Variants in CHL1 observed in about 807,000 individuals in gnomAD.
CHL1 encodes neural cell adhesion molecule L1-like protein.
Under a neutral mutation model 141.9 loss-of-function variants are expected in CHL1, and 96 were observed. That is an observed-to-expected ratio of 0.68 (90% CI 0.57 to 0.80). The LOEUF (loss-of-function observed/expected upper bound fraction) is 0.80. Ranked by LOEUF, CHL1 falls within the 30% of genes least tolerant of loss-of-function variation. The pLI, the probability that CHL1 is intolerant of heterozygous loss-of-function variation, is 0.00. For synonymous variants in CHL1, 613 were observed against 502.2 expected, an observed-to-expected ratio of 1.22 and a Z score of -2.95; for missense variants, 1,820 against 1,457.2, an observed-to-expected ratio of 1.25 and a Z score of -4.05.
chr3:347,029 A>C (rs1207929682), intron 9 of CHL1, among the ~76,000 whole-genome samples: 4 of 152,134 alleles, frequency 2.6e-5, no homozygotes, highest in Non-Finnish European at 5.9e-5. Context: ...ATTTCCAGCT[A>C]TATTCTTGCA....
At chr3:254,630 G>A (rs757648801) in intron 2 of CHL1, among the ~76,000 whole-genome samples, 1 of 152,158 alleles carries the variant, frequency 6.6e-6, no homozygotes, top group South Asian at 2.1e-4. Flanking sequence ...ATACCTTGTG[G>A]ATAGTAGAAA....
At chr3:347,240 G>C (rs1306907201) in intron 9 of CHL1, among the ~76,000 whole-genome samples, 1 of 151,896 alleles carries the variant, frequency 6.6e-6, no homozygotes, top group African/African-American at 2.4e-5. Flanking sequence ...TATAAATAGA[G>C]AAATATGCAA....
At chr3:347,964 C>T (rs1300064924) in intron 9 of CHL1, among the ~76,000 whole-genome samples, 4 of 152,146 alleles carry the variant, frequency 2.6e-5, no homozygotes, top group Non-Finnish European at 4.4e-5. Context: ...ATCTTTACCT[C>T]CAATTTTTTT....
At chr3:211,109 G>A (rs560236892) in intron 1 of CHL1, among the ~76,000 whole-genome samples, 19 of 152,258 alleles carry the variant, frequency 1.2e-4, no homozygotes, top group Non-Finnish European at 2.2e-4. Flanking sequence ...GGGCCACGGT[G>A]AACCCCAAAT....
intron 3 of CHL1, among the ~76,000 whole-genome samples, chr3:323,141 G>T (rs1354398626): frequency 6.6e-6 from 1 of 151,896 alleles, no homozygotes; most frequent in Non-Finnish European, 1.5e-5. Flanking sequence ...AATTATGGTT[G>T]TTCAGATAGA....
At chr3:331,622 C>A (rs1379037320) in intron 5 of CHL1, among the ~76,000 whole-genome samples, 1 of 151,912 alleles carries the variant, frequency 6.6e-6, no homozygotes. Context: ...ATTTTAGATC[C>A]TTTTTTTATT....
At chr3:215,268 G>A (rs1350879410) in intron 1 of CHL1, among the ~76,000 whole-genome samples, 1 of 152,130 alleles carries the variant, frequency 6.6e-6, no homozygotes, top group African/African-American at 2.4e-5. Flanking sequence ...TGGTAACATG[G>A]ATGAATCTAG....
At chr3:319,591 C>CAAAAA (rs35995557) in intron 2 of CHL1, 92 bp from the exon 3 acceptor site, 46 of 304,312 alleles carry the variant, frequency 1.5e-4, no homozygotes, top group East Asian at 3.1e-4. Context: ...ACTGCCAAAC[C>CAAAAA]AAAAAAAAAA....
At chr3:345,086 G>C (rs1177078122) in intron 9 of CHL1, among the ~76,000 whole-genome samples, 1 of 152,126 alleles carries the variant, frequency 6.6e-6, no homozygotes, top group Non-Finnish European at 1.5e-5. Context: ...TCACTCTACA[G>C]ACTTCAGGCA....
chr3:222,861 G>A (rs1307207207), intron 1 of CHL1, among the ~76,000 whole-genome samples: 2 of 152,066 alleles, frequency 1.3e-5, no homozygotes, highest in African/African-American at 2.4e-5. Context: ...ATCATATTTT[G>A]GGGTGAAATT....
chr3:208,333 G>T (rs116439288), intron 1 of CHL1, among the ~76,000 whole-genome samples: 1,499 of 147,918 alleles, frequency 0.01, 72 homozygotes, highest in Middle Eastern at 0.038. Flanking sequence ...ATCTGCCACA[G>T]CCTAGTATTT....
intron 1 of CHL1, among the ~76,000 whole-genome samples, chr3:218,006 T>A (rs1241113835): frequency 6.6e-6 from 1 of 152,178 alleles, no homozygotes; most frequent in Non-Finnish European, 1.5e-5. Context: ...TTATTGTACT[T>A]CTATTAAGAT....
At chr3:385,669 A>C (rs1170993932) in intron 19 of CHL1, 1 of 151,924 alleles carries the variant, frequency 6.6e-6, no homozygotes, top group African/African-American at 2.4e-5. Context: ...CTCTACTAAA[A>C]ATATAAAAAT....
chr3:309,329 G>A (rs2124967885), intron 2 of CHL1: 1 of 152,210 alleles, frequency 6.6e-6, no homozygotes, highest in South Asian at 2.1e-4. Flanking sequence ...CCGGTGCTGG[G>A]CGCTGGTTGG....
chr3:333,287 A>G (rs1207010092), intron 5 of CHL1, among the ~76,000 whole-genome samples: 2 of 151,966 alleles, frequency 1.3e-5, no homozygotes, highest in African/African-American at 2.4e-5. Context: ...TTAGGAGTTT[A>G]TAAATCAGAG....
intron 10 of CHL1, among the ~76,000 whole-genome samples, chr3:350,678 C>T (rs1451717399): frequency 6.6e-6 from 1 of 151,882 alleles, no homozygotes; most frequent in Middle Eastern, 3.4e-3. Flanking sequence ...TTAGGCAAAC[C>T]CCTGTTTGGA....
chr3:197,872 C>CTTTT lies in CHL1; in HGVS notation c.-175+821_-175+824dup, dbSNP rs58240971. 2,646 of 356,642 alleles carry CTTTT rather than the reference C, an allele frequency of 7.4e-3. 9 individuals are homozygous for CTTTT. Among genetic ancestry groups the CTTTT allele is most frequent in the East Asian group, 0.025 (302 of 12,194 alleles). 22.1% of individuals were successfully genotyped at this position (356,642 alleles called of 1,614,324 possible). A position where few individuals can be genotyped will look rare whatever the true frequency, so the allele number is the denominator to read the frequency against. On this transcript the variant is annotated intron_variant, in intron 1 of 27. Coordinates refer to ENST00000256509, the MANE Select transcript of CHL1 (RefSeq NM_006614.4). ...TCTTTGTGCCTCTCTCTTTCTCTCG[C>CTTTT]TTTTTTTTTTTTTTTGGAGTGTGAG...
intron 2 of CHL1, among the ~76,000 whole-genome samples, chr3:289,512 C>A (rs1697470103): frequency 6.6e-6 from 1 of 152,102 alleles, no homozygotes; most frequent in Non-Finnish European, 1.5e-5. Context: ...TAGTTATCTT[C>A]TATAAAGTCT....
chr3:344,124 C>T (rs1000356738), intron 8 of CHL1, among the ~76,000 whole-genome samples: 1 of 152,074 alleles, frequency 6.6e-6, no homozygotes, highest in South Asian at 2.1e-4. Context: ...TCATAGATGC[C>T]TAGTGTCTAC....
Sources: allele counts gnomAD v4.1 joint callset (sites outside exome capture counted in the v4.1 genomes callset), GRCh38; gene constraint gnomAD v4.1.1; transcripts MANE v1.5; gene names NCBI Gene and HGNC (gene_info 2026-07-23, HGNC 2026-07-21).